Variants in ERI3 observed in about 807,000 individuals in gnomAD.
The protein encoded by ERI3 is ERI1 exoribonuclease 3.
A neutral mutation model predicts 44.4 loss-of-function variants in ERI3; 18 were observed. The observed-to-expected ratio is 0.41, with a 90% CI of 0.28 to 0.60. The LOEUF (loss-of-function observed/expected upper bound fraction) is 0.60. Ranked by LOEUF, ERI3 falls within the 20% of genes least tolerant of loss-of-function variation. The pLI, the probability that ERI3 is intolerant of heterozygous loss-of-function variation, is 0.36. For synonymous variants in ERI3, 183 were observed against 164.8 expected (o/e 1.11, Z -0.84); for missense variants, 294 against 435.5 (o/e 0.68, Z 2.89).
intron 4 of ERI3, among the ~76,000 whole-genome samples, chr1:44,313,872 C>A (rs1388468238): frequency 1.3e-5 from 2 of 152,116 alleles, no homozygotes; most frequent in East Asian, 3.9e-4. Context: ...ACAAAAAGGC[C>A]TAATGTTCAG....
chr1:44,318,918 C>T (rs1054214428), intron 4 of ERI3, among the ~76,000 whole-genome samples: 5 of 152,232 alleles, frequency 3.3e-5, no homozygotes, highest in Non-Finnish European at 7.3e-5. Context: ...GGAAAAGTAG[C>T]CACAGAAGAC....
intron 8 of ERI3, among the ~76,000 whole-genome samples, chr1:44,223,043 G>A (rs1643940844): frequency 6.6e-6 from 1 of 152,194 alleles, no homozygotes; most frequent in African/African-American, 2.4e-5. Context: ...CTTTGGGCAG[G>A]CAAGTCAGAC....
intron 8 of ERI3, among the ~76,000 whole-genome samples, chr1:44,244,845 TCTCAGCAC>T (rs1644520470): frequency 6.6e-6 from 1 of 152,012 alleles, no homozygotes; most frequent in East Asian, 1.9e-4. Context: ...CTCCGTGTTC[TCTCAGCAC>T]CTCCACACCA....
intron 7 of ERI3, among the ~76,000 whole-genome samples, chr1:44,281,922 G>GTA (rs1181624003): frequency 6.9e-6 from 1 of 143,976 alleles, no homozygotes; most frequent in Non-Finnish European, 1.5e-5. Flanking sequence ...GTGTGTGTGT[G>GTA]TGTGTATGTA....
intron 7 of ERI3, among the ~76,000 whole-genome samples, chr1:44,266,570 T>C (rs2154320869): frequency 6.6e-6 from 1 of 152,354 alleles, no homozygotes; most frequent in South Asian, 2.1e-4. Context: ...TAAGTCCTTC[T>C]CCCAATAAAC....
At chr1:44,240,180 C>T (rs913872799) in intron 8 of ERI3, among the ~76,000 whole-genome samples, 11 of 152,226 alleles carry the variant, frequency 7.2e-5, no homozygotes, top group Admixed American at 1.3e-4. Context: ...CACACTTCTG[C>T]GCTGGCTCAG....
chr1:44,248,702 A>AGTGTGT (rs143570480), intron 7 of ERI3, among the ~76,000 whole-genome samples: 2,478 of 148,366 alleles, frequency 0.017, 87 homozygotes, highest in African/African-American at 0.056. Flanking sequence ...TGTGAGAGAG[A>AGTGTGT]GTGTGTGTGT....
chr1:44,297,210 G>A (rs1368616829), intron 6 of ERI3, among the ~76,000 whole-genome samples: 1 of 152,044 alleles, frequency 6.6e-6, no homozygotes, highest in East Asian at 1.9e-4. Flanking sequence ...TCAAGTCTGA[G>A]TTGTGTCACC....
chr1:44,265,230 G>C (rs1041546013), intron 7 of ERI3, among the ~76,000 whole-genome samples: 2 of 152,228 alleles, frequency 1.3e-5, no homozygotes, highest in African/African-American at 4.8e-5. Flanking sequence ...AAGTTTCTCA[G>C]ATCACCTGTT....
rs5773826 is a variant in ERI3 at position 44,315,983 on chromosome 1, C to CTT, written c.607-2757_607-2756dup. 4.5e-3 allele frequency among the ~76,000 whole-genome samples: 652 copies of CTT among 145,848 alleles called. 6 individuals are homozygous for CTT. Among genetic ancestry groups the CTT allele is most frequent in the African/African-American group, 0.015 (603 of 39,862 alleles). On this transcript the variant is annotated intron_variant, in intron 4 of 8. Coordinates refer to ENST00000372257, the MANE Select transcript of ERI3 (RefSeq NM_024066.3). ...CTTATGCAACATAGAGAGACCCCAT[C>CTT]TTTTTTTTTTTTTTTTAAGTAAAAA... is the stretch of plus-strand genomic sequence containing the variant.
chr1:44,272,316 A>G (rs1354873715), intron 7 of ERI3, among the ~76,000 whole-genome samples: 7 of 152,342 alleles, frequency 4.6e-5, no homozygotes, highest in African/African-American at 1.4e-4. Flanking sequence ...TTACAGGTTC[A>G]GAGAGGGACT....
intron 4 of ERI3, 71 bp downstream of exon 4, chr1:44,319,557 C>G: frequency 9.9e-7 from 1 of 1,005,562 alleles, no homozygotes; most frequent in Non-Finnish European, 1.6e-6. Flanking sequence ...TCTAAGTGGC[C>G]TATATAGAGC....
At chr1:44,300,333 G>A (rs887470614) in intron 6 of ERI3, among the ~76,000 whole-genome samples, 6 of 152,184 alleles carry the variant, frequency 3.9e-5, no homozygotes, top group Non-Finnish European at 8.8e-5. Flanking sequence ...CTTCCTAGTG[G>A]GTGAAGAAAT....
chr1:44,293,332 C>T (rs184174645), intron 6 of ERI3, among the ~76,000 whole-genome samples: 2 of 152,338 alleles, frequency 1.3e-5, no homozygotes, highest in Admixed American at 1.3e-4. Flanking sequence ...CTCACTTTGT[C>T]TTGCCACCAT....
Position 44,241,702 on chromosome 1 carries a change from G to A in ERI3, c.931+6237C>T, listed in dbSNP as rs746399155. On this transcript the variant is annotated intron_variant, in intron 8 of 8. Coordinates refer to ENST00000372257, the MANE Select transcript of ERI3 (RefSeq NM_024066.3). The surrounding 1 kb of genome is among the most constrained non-coding windows in gnomAD (Gnocchi z 5.6). Reference sequence around the variant, plus strand: ...TTGTCATTTAAGTCTGCGATGGTTTGACAGGAGATACAGAGAGAGACAAGG... The same window carrying A: ...TTGTCATTTAAGTCTGCGATGGTTTAACAGGAGATACAGAGAGAGACAAGG... Among the ~76,000 whole-genome samples, 9 of 152,134 alleles carry A rather than the reference G, an allele frequency of 5.9e-5. No homozygotes were observed. Among genetic ancestry groups the A allele is most frequent in the African/African-American group, 9.7e-5 (4 of 41,416 alleles).
At chr1:44,255,845 T>C (rs908977163) in intron 7 of ERI3, among the ~76,000 whole-genome samples, 2 of 152,198 alleles carry the variant, frequency 1.3e-5, no homozygotes, top group African/African-American at 4.8e-5. Flanking sequence ...GTTTCATGCC[T>C]TCAAGCCTTT....
At chr1:44,304,131 C>A (rs1339811933) in intron 6 of ERI3, among the ~76,000 whole-genome samples, 1 of 151,920 alleles carries the variant, frequency 6.6e-6, no homozygotes, top group Non-Finnish European at 1.5e-5. Flanking sequence ...CTTGAAGGGG[C>A]CTATGGACGT....
In ERI3 at chr1:44,242,921, TGGCGGCAGA is replaced by T. The variant is rs888718698; in HGVS notation, c.931+5009_931+5017del. Among the ~76,000 whole-genome samples, 69 of 152,340 alleles carry T rather than the reference TGGCGGCAGA, an allele frequency of 4.5e-4. 1 individual carries two copies. The highest frequency in any genetic ancestry group is 8.3e-4 in the South Asian group (4 of 4,826). On this transcript the variant is annotated intron_variant, in intron 8 of 8. Coordinates refer to ENST00000372257, the MANE Select transcript of ERI3 (RefSeq NM_024066.3). ...AGGAGGGCGGGCAGCCCAGTGAGCGTGGCGGCAGAGGCGGCAGAGAAAAGGCTGTCACTG... is the reference window on the plus strand; with the variant it reads ...AGGAGGGCGGGCAGCCCAGTGAGCGTGGCGGCAGAGAAAAGGCTGTCACTG...
chr1:44,242,769 C>A (rs962104263), intron 8 of ERI3, among the ~76,000 whole-genome samples: 1 of 152,132 alleles, frequency 6.6e-6, no homozygotes, highest in Non-Finnish European at 1.5e-5. Flanking sequence ...CGGGGGCTGG[C>A]GTTTGGTGTG....
Sources: allele counts gnomAD v4.1 joint callset (sites outside exome capture counted in the v4.1 genomes callset), GRCh38; gene constraint gnomAD v4.1.1; non-coding constraint Gnocchi (gnomAD v3.1); transcripts MANE v1.5; gene names NCBI Gene and HGNC (gene_info 2026-07-23, HGNC 2026-07-21).